The following RABGAP1L variants were observed in gnomAD, a reference collection of about 807,000 sequenced individuals.
RABGAP1L encodes the protein RAB GTPase activating protein 1 like.
RABGAP1L carries 63 observed loss-of-function variants against 137.7 expected under a neutral mutation model. The ratio of observed to expected loss-of-function variants is 0.46; its 90% CI spans 0.37 to 0.56. The LOEUF is 0.56. Among genes scored for constraint, RABGAP1L ranks in the 20% least tolerant of loss-of-function variants. The pLI is 0.00. For missense variants in RABGAP1L, 1,095 were observed against 1,244.0 expected (o/e 0.88, Z 1.80); for synonymous variants, 431 against 433.7 (o/e 0.99, Z 0.08).
chr1:174,217,241 G>C (rs2148455352), intron 1 of RABGAP1L, among the ~76,000 whole-genome samples: 1 of 152,242 alleles, frequency 6.6e-6, no homozygotes, highest in South Asian at 2.1e-4. Flanking sequence ...GGAGACATTA[G>C]GAATTCCATT....
chr1:174,530,520 A>G (rs1223588801), intron 13 of RABGAP1L, among the ~76,000 whole-genome samples: 4 of 152,124 alleles, frequency 2.6e-5, no homozygotes, highest in Non-Finnish European at 5.9e-5. Context: ...TCCCAAAGCT[A>G]GGATTTCAGG....
At chr1:174,424,179 C>A (rs1233095825) in intron 13 of RABGAP1L, among the ~76,000 whole-genome samples, 1 of 151,970 alleles carries the variant, frequency 6.6e-6, no homozygotes, top group Non-Finnish European at 1.5e-5. Context: ...TTTTTTCCGA[C>A]CCACTACCAA....
intron 13 of RABGAP1L, among the ~76,000 whole-genome samples, chr1:174,411,480 T>C (rs1649923124): frequency 6.6e-6 from 1 of 152,192 alleles, no homozygotes; most frequent in African/African-American, 2.4e-5. Context: ...TTCACATTTA[T>C]TGAGATGATC....
intron 19 of RABGAP1L, among the ~76,000 whole-genome samples, chr1:174,861,705 A>T (rs1310473061): frequency 2.6e-5 from 4 of 152,126 alleles, no homozygotes; most frequent in Non-Finnish European, 5.9e-5. Context: ...ATGATTAATG[A>T]TGTTGAGCAC....
chr1:174,294,265 T>C (rs1277197350), intron 10 of RABGAP1L, among the ~76,000 whole-genome samples: 1 of 152,198 alleles, frequency 6.6e-6, no homozygotes, highest in African/African-American at 2.4e-5. Context: ...GAGTCCTTTG[T>C]GTAGTCAGCC....
chr1:174,617,777 C>T (rs141679984), intron 13 of RABGAP1L, among the ~76,000 whole-genome samples: 2 of 152,198 alleles, frequency 1.3e-5, no homozygotes, highest in Non-Finnish European at 2.9e-5. Context: ...CTCCAGTCTA[C>T]ATCTCCCAGC....
intron 19 of RABGAP1L, among the ~76,000 whole-genome samples, chr1:174,952,451 C>T (rs557284102): frequency 6.7e-6 from 1 of 150,188 alleles, no homozygotes; most frequent in African/African-American, 2.5e-5. Context: ...TTTGGGGCTG[C>T]AGTGTGCTGT....
intron 17 of RABGAP1L, among the ~76,000 whole-genome samples, chr1:174,751,828 G>A (rs192271627): frequency 3.3e-5 from 5 of 152,218 alleles, no homozygotes; most frequent in Admixed American, 3.3e-4. Flanking sequence ...GAACTGTAGT[G>A]GAAATGCAGT....
chr1:174,380,231 A>G (rs886165051), intron 12 of RABGAP1L, among the ~76,000 whole-genome samples: 6 of 152,132 alleles, frequency 3.9e-5, no homozygotes, highest in African/African-American at 9.7e-5. Context: ...TTCATCAAGT[A>G]TATTGGTCTA....
intron 12 of RABGAP1L, among the ~76,000 whole-genome samples, chr1:174,379,263 G>A (rs1450068283): frequency 6.0e-5 from 9 of 148,882 alleles, no homozygotes; most frequent in Admixed American, 4.0e-4. Flanking sequence ...TTGACTTGGC[G>A]ATGCGGGCTG....
intron 1 of RABGAP1L, among the ~76,000 whole-genome samples, chr1:174,182,424 C>A (rs1200959614): frequency 6.6e-6 from 1 of 151,988 alleles, no homozygotes; most frequent in African/African-American, 2.4e-5. Flanking sequence ...TCCTAGAAGA[C>A]GAAATTGAGA....
At chr1:174,757,710 A>G (rs983968981) in intron 18 of RABGAP1L, among the ~76,000 whole-genome samples, 7 of 151,980 alleles carry the variant, frequency 4.6e-5, no homozygotes, top group Admixed American at 4.6e-4. Context: ...TTAGGGAAGC[A>G]GTGGATCATG....
At chr1:174,637,216 A>G (rs1413684224) in intron 13 of RABGAP1L, among the ~76,000 whole-genome samples, 159 bp from the exon 14 acceptor site, 1 of 152,214 alleles carries the variant, frequency 6.6e-6, no homozygotes, top group Non-Finnish European at 1.5e-5. Flanking sequence ...GGTAGCACTT[A>G]TCTTGGGTAT....
chr1:174,757,967 G>A (rs1684896096), intron 18 of RABGAP1L, among the ~76,000 whole-genome samples: 1 of 149,122 alleles, frequency 6.7e-6, no homozygotes, highest in African/African-American at 2.5e-5. Flanking sequence ...AGTTTGCAGT[G>A]AGCCAAGATT....
At chr1:174,422,945 C>CAAAAAAA (rs202100563) in intron 13 of RABGAP1L, among the ~76,000 whole-genome samples, 1 of 79,646 alleles carries the variant, frequency 1.3e-5, no homozygotes, top group Non-Finnish European at 2.6e-5. Flanking sequence ...AGATTCTGTC[C>CAAAAAAA]AAAAAAAAAA....
intron 18 of RABGAP1L, among the ~76,000 whole-genome samples, chr1:174,755,393 TA>T (rs1309246356): frequency 6.6e-6 from 1 of 152,248 alleles, no homozygotes; most frequent in Non-Finnish European, 1.5e-5. Flanking sequence ...ATAGATTTAA[TA>T]GACTGGAGAT....
intron 18 of RABGAP1L, among the ~76,000 whole-genome samples, chr1:174,811,588 G>A (rs1689878216): frequency 6.6e-6 from 1 of 152,088 alleles, no homozygotes; most frequent in South Asian, 2.1e-4. Flanking sequence ...CAGGTAATAT[G>A]AATTCAGTAT....
In RABGAP1L at chr1:174,513,843, G is replaced by A. The variant is rs1318728706; in HGVS notation, c.1710+119698G>A. On this transcript the variant is annotated intron_variant, in intron 13 of 25. Transcript: ENST00000681986. Reference sequence around the variant, plus strand: ...TAGATAAATTTCTTTAAAATGTATAGTACAAATAACATCTTTGTTAGATCT... The same window carrying A: ...TAGATAAATTTCTTTAAAATGTATAATACAAATAACATCTTTGTTAGATCT... Among the ~76,000 whole-genome samples the A allele has an allele frequency of 5.3e-5, 8 of 152,104 alleles. No homozygotes were observed. The East Asian group carries it at 1.2e-3, about 22-fold the overall frequency.
intron 19 of RABGAP1L, among the ~76,000 whole-genome samples, chr1:174,927,842 C>A (rs1417008440): frequency 6.6e-6 from 1 of 152,154 alleles, no homozygotes; most frequent in African/African-American, 2.4e-5. Flanking sequence ...AAGAACAGTA[C>A]CATTCAGCCT....
Sources: allele counts gnomAD v4.1 joint callset (sites outside exome capture counted in the v4.1 genomes callset), GRCh38; gene constraint gnomAD v4.1.1; transcripts MANE v1.5; gene names NCBI Gene and HGNC (gene_info 2026-07-23, HGNC 2026-07-21).